GALNTL6: variants seen among roughly 807,000 people sequenced by gnomAD.
GALNTL6 encodes polypeptide N-acetylgalactosaminyltransferase-like 6.
In GALNTL6, 46 loss-of-function variants were observed where a neutral mutation model predicts 73.7. The observed-to-expected ratio is 0.62, with a 90% CI of 0.49 to 0.80. The LOEUF (loss-of-function observed/expected upper bound fraction) is 0.80. GALNTL6 is among the 30% of genes least tolerant of loss of function. The pLI is 0.00. For missense variants in GALNTL6, 604 were observed against 755.0 expected (o/e 0.80, Z 2.34); for synonymous variants, 259 against 263.7 (o/e 0.98, Z 0.17).
chr4:172,487,977 A>T (rs1333273877), intron 5 of GALNTL6, among the ~76,000 whole-genome samples: 1 of 152,208 alleles, frequency 6.6e-6, no homozygotes, highest in Admixed American at 6.5e-5. Flanking sequence ...TCTCCCGCTT[A>T]TTCCAAAATC....
intron 7 of GALNTL6, among the ~76,000 whole-genome samples, chr4:172,873,614 C>T (rs150385920): frequency 1.3e-5 from 2 of 152,310 alleles, no homozygotes; most frequent in African/African-American, 4.8e-5. Context: ...CTGTTTTTCC[C>T]TCCTGTCAGA....
chr4:172,829,005 C>T (rs528267668), intron 7 of GALNTL6, among the ~76,000 whole-genome samples: 122 of 152,328 alleles, frequency 8.0e-4, no homozygotes, highest in African/African-American at 2.9e-3. Flanking sequence ...GGATCTGTTC[C>T]AAGCCTCTCT....
intron 2 of GALNTL6, among the ~76,000 whole-genome samples, chr4:171,912,384 TG>T (rs1345688594): frequency 6.6e-6 from 1 of 152,226 alleles, no homozygotes; most frequent in Non-Finnish European, 1.5e-5. Context: ...ATATTTGACT[TG>T]TATTCATGTG....
intron 7 of GALNTL6, among the ~76,000 whole-genome samples, chr4:172,872,215 T>C (rs1295215622): frequency 6.6e-6 from 1 of 152,248 alleles, no homozygotes; most frequent in African/African-American, 2.4e-5. Flanking sequence ...GTATCCTCCA[T>C]GCTAATTTGC....
intron 2 of GALNTL6, among the ~76,000 whole-genome samples, chr4:172,037,946 T>G (rs1042544049): frequency 6.6e-6 from 1 of 151,856 alleles, no homozygotes; most frequent in East Asian, 1.9e-4. Flanking sequence ...GGTGAAACTC[T>G]GTCTCTACTA....
intron 2 of GALNTL6, among the ~76,000 whole-genome samples, chr4:171,931,297 T>C (rs1443062135): frequency 6.6e-6 from 1 of 152,140 alleles, no homozygotes; most frequent in Non-Finnish European, 1.5e-5. Flanking sequence ...TCCTCTTGCT[T>C]CAACCTCCCA....
intron 2 of GALNTL6, among the ~76,000 whole-genome samples, chr4:172,187,488 GT>G (rs1176648281): frequency 6.6e-6 from 1 of 152,102 alleles, no homozygotes; most frequent in Admixed American, 6.5e-5. Flanking sequence ...GTTCATTACA[GT>G]TTTTTTAAAT....
rs571725996 is a variant in GALNTL6, at chr4:171,989,891, G to A, written c.138+175173G>A. 9.9e-5 allele frequency among the ~76,000 whole-genome samples: 15 copies of A among 152,050 alleles called. 1 individual carries two copies. The highest frequency in any genetic ancestry group is 3.9e-4 in the Admixed American group (6 of 15,260). On this transcript the variant is annotated intron_variant, in intron 2 of 12. Transcript: ENST00000506823. ...ATATTTGATGAAAAAGAGCCTAAAC[G>A]CTATCTGATTTGGGATAAAGAAAAA... is the stretch of plus-strand genomic sequence containing the variant.
chr4:172,879,029 T>C (rs1046285704), intron 7 of GALNTL6, among the ~76,000 whole-genome samples: 7 of 151,716 alleles, frequency 4.6e-5, no homozygotes, highest in African/African-American at 1.7e-4. Context: ...TAAAAGTCAT[T>C]TCATAGCAAT....
At chr4:172,638,240 C>T (rs1303737632) in intron 5 of GALNTL6, among the ~76,000 whole-genome samples, 1 of 152,078 alleles carries the variant, frequency 6.6e-6, no homozygotes, top group Non-Finnish European at 1.5e-5. Context: ...CATTGCTGTC[C>T]AACAAGGAGA....
chr4:172,649,137 C>T (rs896314867), intron 5 of GALNTL6, among the ~76,000 whole-genome samples: 2 of 152,102 alleles, frequency 1.3e-5, no homozygotes. Flanking sequence ...AAGTAGTTGC[C>T]TTATATTCAA....
At chr4:172,191,511 A>C (rs1735584628) in intron 2 of GALNTL6, among the ~76,000 whole-genome samples, 1 of 152,134 alleles carries the variant, frequency 6.6e-6, no homozygotes, top group Admixed American at 6.6e-5. Context: ...GCTACTCTTA[A>C]GGATCCTCAT....
At chr4:172,592,476 A>G (rs974457070) in intron 5 of GALNTL6, among the ~76,000 whole-genome samples, 4 of 152,180 alleles carry the variant, frequency 2.6e-5, no homozygotes, top group African/African-American at 9.7e-5. Context: ...TAAACAGGCC[A>G]TATCAAAACC....
chr4:172,655,901 G>T (rs1382298356), intron 5 of GALNTL6, among the ~76,000 whole-genome samples: 2 of 152,174 alleles, frequency 1.3e-5, no homozygotes, highest in Non-Finnish European at 2.9e-5. Flanking sequence ...AGAAAAAGAA[G>T]GATGAAGAAT....
rs754206282 is a variant in GALNTL6, at chr4:171,814,709, G to A, written c.129G>A (p.Gly43=). ...DKHLVKSAEP[G]EQQTFPLGLG... ...ACCTGGTGAAGTCAGCGGAGCCCGG[G>A]GAGCAGCAGGTAAGTGCCACCCAGA... The change falls in exon 2 of 13, where the codon GGG becomes GGA. Residue 43 remains glycine, a synonymous_variant. Coordinates refer to ENST00000506823, the MANE Select transcript of GALNTL6 (RefSeq NM_001034845.3). 3.1e-6 allele frequency: 5 copies of A among 1,613,750 alleles called. No individual in the cohort carries two copies. The highest frequency in any genetic ancestry group is 2.2e-5 in the East Asian group (1 of 44,888).
rs73867177 is a variant in GALNTL6, at chr4:171,829,259, G to A, written c.138+14541G>A. 8.5e-3 allele frequency among the ~76,000 whole-genome samples: 1,289 copies of A among 152,074 alleles called. 18 individuals carry two copies. The highest frequency in any genetic ancestry group is 0.03 in the African/African-American group (1,236 of 41,472). ...TTGGGATCACCTTAAAAACTTTACTGGACTTCTGTGAGACACCCTCAGAAG... is the reference window on the plus strand; with the variant it reads ...TTGGGATCACCTTAAAAACTTTACTAGACTTCTGTGAGACACCCTCAGAAG... On this transcript the variant is annotated intron_variant, in intron 2 of 12. Coordinates refer to ENST00000506823, the MANE Select transcript of GALNTL6 (RefSeq NM_001034845.3).
chr4:172,944,289 C>A (rs1220156017), intron 9 of GALNTL6, among the ~76,000 whole-genome samples: 1 of 152,030 alleles, frequency 6.6e-6, no homozygotes, highest in Non-Finnish European at 1.5e-5. Flanking sequence ...TAAAACGGCC[C>A]AATTTTTAAA....
Position 173,015,855 on chromosome 4 carries a change from C to A in GALNTL6, c.1489-5621C>A, listed in dbSNP as rs569510689. The stretch of plus-strand genomic sequence containing the variant: ...ATATGTCTCCAGAGCAAATCACAGA[C>A]CTTCACAGCAGCCCCTCCCATCACA... On this transcript the variant is annotated intron_variant, in intron 11 of 12. Transcript: ENST00000506823. 5.3e-5 allele frequency among the ~76,000 whole-genome samples: 8 copies of A among 152,348 alleles called. No homozygotes were observed. The South Asian group carries it at 1.7e-3, about 32-fold the overall frequency.
intron 2 of GALNTL6, among the ~76,000 whole-genome samples, chr4:171,852,083 T>A (rs933394166): frequency 6.6e-6 from 1 of 152,182 alleles, no homozygotes; most frequent in African/African-American, 2.4e-5. Context: ...CATTTCAAAG[T>A]TTAGAGTAGG....
Sources: gnomAD v4.1 joint callset for allele counts (sites outside exome capture counted in the v4.1 genomes callset) on GRCh38, gnomAD v4.1.1 for gene constraint, MANE v1.5 for transcripts, NCBI Gene and HGNC (gene_info 2026-07-23, HGNC 2026-07-21) for gene names.